RPS24: variants seen among roughly 807,000 people sequenced by gnomAD.
The protein encoded by RPS24 is small ribosomal subunit protein eS24.
For missense variants in RPS24, 100 were observed against 162.5 expected (o/e 0.62, Z 2.09); for synonymous variants, 72 against 55.6 (o/e 1.30, Z -1.31).
chr10:78,038,666 T>A (rs890503258), intron 4 of RPS24: 5 of 152,196 alleles, frequency 3.3e-5, no homozygotes, highest in African/African-American at 1.2e-4. Flanking sequence ...TGTTTATTTT[T>A]TGAGACAGGG....
rs1564628312 is a variant in RPS24 at position 78,035,341 on chromosome 10, TA to T, written c.4-10del. 1 of 1,613,728 alleles carries T rather than the reference TA, an allele frequency of 6.2e-7. No individual in the cohort carries two copies. Among genetic ancestry groups the T allele is most frequent in the African/African-American group, 1.3e-5 (1 of 74,894 alleles). ...GAGTAGTTTTATTAACCAGAGTGTT[TA>T]TGTTTTCAGAACGACACCGTAACTA... On this transcript the variant is annotated splice_polypyrimidine_tract_variant and intron_variant, in intron 1 of 5. Transcript: ENST00000372360.
At position 78,033,918 on chromosome 10, in the gene RPS24, G is replaced by C. The variant is rs368631934; in HGVS notation, c.3+14G>C. The stretch of plus-strand genomic sequence containing the variant: ...ATCGCCATCATGGTGAGTCTCCCTG[G>C]GCCCGTGCAGTCATCTGCCGCGTAT... On this transcript the variant is annotated intron_variant, in intron 1 of 5. Coordinates refer to ENST00000372360, the MANE Select transcript of RPS24 (RefSeq NM_033022.4). 1.3e-5 allele frequency: 21 copies of C among 1,613,888 alleles called. No individual in the cohort carries two copies. In the South Asian group the frequency reaches 2.1e-4, roughly 16 times the overall value.
At chr10:78,037,406 GTTTC>G (rs1307710842) in intron 4 of RPS24, 102 bp downstream of exon 4, 1 of 1,483,212 alleles carries the variant, frequency 6.7e-7, no homozygotes, top group South Asian at 1.3e-5. Context: ...TTTTCTTAAT[GTTTC>G]TTCTTTTCCC....
rs755785047 is a variant in RPS24 at position 78,040,638 on chromosome 10, TG to T, written c.*44del. On this transcript the variant is annotated 3_prime_UTR_variant, in exon 6 of 6. Transcript: ENST00000372360. ...AGCCGAAGGAGTAAAGGTGCTGCAA[TG>T]ATGTTAGCTGTGGCCACTGTGGATT... is the stretch of plus-strand genomic sequence containing the variant. 6.2e-6 allele frequency: 10 copies of T among 1,614,036 alleles called. No homozygotes were observed. Among genetic ancestry groups the T allele is most frequent in the African/African-American group, 1.3e-5 (1 of 75,068 alleles).
intron 4 of RPS24, among the ~76,000 whole-genome samples, chr10:78,051,863 A>C (rs1392002023): frequency 6.6e-6 from 1 of 152,150 alleles, no homozygotes; most frequent in Non-Finnish European, 1.5e-5. Flanking sequence ...TGTCTTCTTT[A>C]GAAAAATGCC....
chr10:78,042,847 G>T (rs567133662), downstream of RPS24, among the ~76,000 whole-genome samples: 4 of 152,226 alleles, frequency 2.6e-5, no homozygotes, highest in South Asian at 8.3e-4. Context: ...ATGTAATCAG[G>T]CAGCTTTCAA....
intron 4 of RPS24, chr10:78,039,994 C>G (rs1348355786): frequency 1.5e-6 from 1 of 650,020 alleles, no homozygotes; most frequent in Non-Finnish European, 2.8e-6. Context: ...CTACAGTAAT[C>G]AGGCAAGGCA....
downstream of RPS24, among the ~76,000 whole-genome samples, chr10:78,045,447 A>G (rs1027257738): frequency 6.6e-6 from 1 of 152,106 alleles, no homozygotes; most frequent in African/African-American, 2.4e-5. Context: ...TATCCGGGCT[A>G]GATGAGTAAT....
At chr10:78,046,293 GT>G (rs1278446733) in intron 4 of RPS24, among the ~76,000 whole-genome samples, 4 of 148,592 alleles carry the variant, frequency 2.7e-5, no homozygotes, top group African/African-American at 1.0e-4. Context: ...AACATTTATT[GT>G]TTACCATGTG....
intron 4 of RPS24, 118 bp downstream of exon 4, chr10:78,037,422 C>A: frequency 6.9e-7 from 1 of 1,440,492 alleles, no homozygotes; most frequent in Non-Finnish European, 9.3e-7. Context: ...TCTTTTCCCT[C>A]TTCTTCTGGA....
rs754390878 is a variant in RPS24 at position 78,037,190 on chromosome 10, T to G, written c.280-4T>G. On this transcript the variant is annotated splice_polypyrimidine_tract_variant and splice_region_variant and intron_variant, in intron 3 of 5. Transcript: ENST00000372360. ...TCACCTGGATGTACTCTTTTCTCAT[T>G]CAGCATGGCCTGTATGAGAAGAAAA... 1 of 1,597,730 alleles carries G rather than the reference T, an allele frequency of 6.3e-7. No individual in the cohort carries two copies. The highest frequency in any genetic ancestry group is 8.5e-7 in the Non-Finnish European group (1 of 1,172,508).
At chr10:78,052,018 A>AATTTATTTATTT (rs547804949) in intron 4 of RPS24, among the ~76,000 whole-genome samples, 2,892 of 151,654 alleles carry the variant, frequency 0.019, 65 homozygotes, top group Admixed American at 0.074. Context: ...CCATTTTTAA[A>AATTTATTTATTT]ATTTATTTAT....
chr10:78,033,870 C>T lies in RPS24; in HGVS notation c.-32C>T, dbSNP rs553773136. ...GGCCGGCGAATCGTGGTTCTCTTTT[C>T]CTCCTTGGCTGTCTGAAGATAGATC... On this transcript the variant is annotated 5_prime_UTR_variant, in exon 1 of 6. Transcript: ENST00000372360. 7.4e-5 allele frequency: 120 copies of T among 1,614,018 alleles called. 1 individual carries two copies. The Middle Eastern group carries it at 8.2e-4, about 11-fold the overall frequency.
At chr10:78,040,169 C>T in intron 4 of RPS24, 35 bp from the exon 5 acceptor site, 4 of 1,608,124 alleles carry the variant, frequency 2.5e-6, no homozygotes, top group Non-Finnish European at 3.4e-6. Context: ...TCTTTTCCCT[C>T]CTTTCTCTTT....
intron 4 of RPS24, among the ~76,000 whole-genome samples, chr10:78,046,676 G>A (rs1338791913): frequency 2.6e-5 from 4 of 152,098 alleles, no homozygotes; most frequent in Non-Finnish European, 5.9e-5. Flanking sequence ...CACTCGGAGG[G>A]AAGTACTATT....
At chr10:78,037,156 G>A (rs1847887709) in intron 3 of RPS24, 38 bp from the exon 4 acceptor site, 1 of 1,572,718 alleles carries the variant, frequency 6.4e-7, no homozygotes, top group African/African-American at 1.4e-5. Flanking sequence ...TGATTTTAAT[G>A]TTTACAAGTC....
downstream of RPS24, among the ~76,000 whole-genome samples, chr10:78,041,921 G>T (rs922679318): frequency 1.3e-5 from 2 of 152,244 alleles, no homozygotes; most frequent in African/African-American, 4.8e-5. Flanking sequence ...TTTCTGTTCA[G>T]CTGTGCTCAG....
chr10:78,040,787 C>T, downstream of RPS24: 1 of 893,462 alleles, frequency 1.1e-6, no homozygotes. Flanking sequence ...AGTTCACATG[C>T]TCCATGAAGC....
chr10:78,043,933 C>G (rs1848014647), downstream of RPS24, among the ~76,000 whole-genome samples: 1 of 150,398 alleles, frequency 6.6e-6, no homozygotes, highest in East Asian at 2.0e-4. Flanking sequence ...AGTAGCCTAA[C>G]ACGTCACCAT....
Sources: allele counts gnomAD v4.1 joint callset (sites outside exome capture counted in the v4.1 genomes callset), GRCh38; gene constraint gnomAD v4.1.1; transcripts MANE v1.5; gene names NCBI Gene and HGNC (gene_info 2026-07-23, HGNC 2026-07-21).